ARAP2: variants seen among roughly 807,000 people sequenced by gnomAD.
ARAP2 encodes arf-GAP with Rho-GAP domain, ANK repeat and PH domain-containing protein 2.
ARAP2 carries 148 observed loss-of-function variants against 194.5 expected under a neutral mutation model. That is an observed-to-expected ratio of 0.76 (90% CI 0.67 to 0.87). ARAP2 has a LOEUF of 0.87. Among genes scored for constraint, ARAP2 ranks in the 40% least tolerant of loss-of-function variants. ARAP2 has a pLI of 0.00. For missense variants in ARAP2, 2,128 were observed against 1,989.7 expected (o/e 1.07, Z -1.32); for synonymous variants, 695 against 683.5 (o/e 1.02, Z -0.26).
intron 5 of ARAP2, among the ~76,000 whole-genome samples, chr4:36,031,262 C>T (rs1021004461): frequency 6.6e-6 from 1 of 151,976 alleles, no homozygotes; most frequent in Admixed American, 6.5e-5. Context: ...GGATATAATC[C>T]ATCATTTTCA....
downstream of ARAP2, among the ~76,000 whole-genome samples, chr4:36,063,504 C>T (rs1724816997): frequency 6.6e-6 from 1 of 151,852 alleles, no homozygotes; most frequent in Non-Finnish European, 1.5e-5. Flanking sequence ...TGTGACCTGA[C>T]CATGGACGAA....
At chr4:36,079,853 G>T (rs1729103318) in intron 31 of ARAP2, among the ~76,000 whole-genome samples, 1 of 152,138 alleles carries the variant, frequency 6.6e-6, no homozygotes, top group South Asian at 2.1e-4. Flanking sequence ...GGGAGAACAA[G>T]AAGGGAAATA....
intron 2 of ARAP2, among the ~76,000 whole-genome samples, chr4:36,225,959 T>C (rs1032954649): frequency 2.0e-5 from 3 of 150,254 alleles, no homozygotes; most frequent in Admixed American, 2.0e-4. Context: ...TAAAAAGTTA[T>C]ATTATAACAC....
At chr4:36,108,027 CATT>C (rs1211070769) in intron 26 of ARAP2, among the ~76,000 whole-genome samples, 3 of 151,538 alleles carry the variant, frequency 2.0e-5, no homozygotes, top group Admixed American at 1.3e-4. Context: ...TTGTACAATA[CATT>C]ATTATTATTA....
chr4:36,117,881 T>C (rs1467689546), intron 24 of ARAP2, among the ~76,000 whole-genome samples: 4 of 151,522 alleles, frequency 2.6e-5, no homozygotes, highest in South Asian at 4.1e-4. Flanking sequence ...ATTAACAGTA[T>C]AGAAGGTTAA....
intron 15 of ARAP2, among the ~76,000 whole-genome samples, chr4:36,157,040 T>G (rs1356041878): frequency 6.6e-6 from 1 of 152,148 alleles, no homozygotes; most frequent in Admixed American, 6.5e-5. Context: ...AAGAAAATAT[T>G]AAAGAAGACT....
At position 36,163,951 on chromosome 4, in the gene ARAP2, A is replaced by G. The variant is rs541975601; in HGVS notation, c.2173+963T>C. 4.7e-4 allele frequency among the ~76,000 whole-genome samples: 71 copies of G among 152,338 alleles called. 1 individual carries two copies. The highest frequency in any genetic ancestry group is 8.5e-4 in the Admixed American group (13 of 15,300). On this transcript the variant is annotated intron_variant, in intron 11 of 32. Coordinates refer to ENST00000303965, the MANE Select transcript of ARAP2 (RefSeq NM_015230.4). Reference sequence around the variant, plus strand: ...AGTTTGATGAGAAATGCAGTTGAATAGTGCTCTAGAAAAGCGTTCAGGATT... The same window carrying G: ...AGTTTGATGAGAAATGCAGTTGAATGGTGCTCTAGAAAAGCGTTCAGGATT...
chr4:36,114,364 C>A (rs1720808491), intron 25 of ARAP2, 77 bp from the exon 26 acceptor site: 9 of 845,324 alleles, frequency 1.1e-5, no homozygotes, highest in Non-Finnish European at 1.7e-5. Context: ...TAATATTCCC[C>A]ATCCACCATT....
At chr4:36,135,152 C>T (rs548449984) in intron 19 of ARAP2, among the ~76,000 whole-genome samples, 12 of 151,522 alleles carry the variant, frequency 7.9e-5, no homozygotes, top group South Asian at 2.1e-4. Context: ...CAAAGTAAAA[C>T]GATATAATCT....
rs73806496 is a variant in ARAP2, at chr4:36,128,837, C to T, written c.3428-92G>A. 1,288 of 1,016,320 alleles carry T rather than the reference C, an allele frequency of 1.3e-3. 15 individuals carry two copies. The African/African-American group carries it at 0.018, about 14-fold the overall frequency. 63.0% of individuals were successfully genotyped at this position (1,016,320 alleles called of 1,614,324 possible). On this transcript the variant is annotated intron_variant, in intron 20 of 32. Transcript: ENST00000303965. ...AACAAAACAAATGTTTGTGTTGAGA[C>T]GAGAAGATGATGAAATCATTACGCA...
At chr4:36,134,860 C>T (rs981696196) in intron 19 of ARAP2, among the ~76,000 whole-genome samples, 12 of 151,658 alleles carry the variant, frequency 7.9e-5, no homozygotes, top group Non-Finnish European at 1.8e-4. Context: ...AACACTGTTC[C>T]TGATCTCCCT....
intron 28 of ARAP2, among the ~76,000 whole-genome samples, chr4:36,089,834 T>G (rs1713056878): frequency 6.6e-6 from 1 of 152,074 alleles, no homozygotes; most frequent in Non-Finnish European, 1.5e-5. Flanking sequence ...TATAAGTCTT[T>G]TTCTGATATA....
chr4:36,187,851 T>C (rs963540109), intron 7 of ARAP2, among the ~76,000 whole-genome samples: 2 of 152,196 alleles, frequency 1.3e-5, no homozygotes, highest in Non-Finnish European at 2.9e-5. Flanking sequence ...AAACTAGCAA[T>C]ACAGAGTTCC....
intron 9 of ARAP2, among the ~76,000 whole-genome samples, chr4:36,170,388 G>C (rs1736334423): frequency 6.6e-6 from 1 of 152,206 alleles, no homozygotes. Context: ...AGGAGTTCAA[G>C]ACCAGCCTGA....
At chr4:36,054,013 C>T (rs751313510) in intron 2 of ARAP2, among the ~76,000 whole-genome samples, 1 of 152,164 alleles carries the variant, frequency 6.6e-6, no homozygotes, top group Non-Finnish European at 1.5e-5. Flanking sequence ...GTGTTTAGGG[C>T]ATGTGACTAA....
intron 6 of ARAP2, among the ~76,000 whole-genome samples, chr4:36,200,235 CTT>C (rs11330775): frequency 5.3e-5 from 8 of 151,554 alleles, no homozygotes; most frequent in Admixed American, 1.3e-4. Context: ...GCACTATTCC[CTT>C]TTTTTATTTT....
chr4:36,145,671 C>A lies in ARAP2; in HGVS notation c.3263+1625G>T, dbSNP rs548793898. Among the ~76,000 whole-genome samples the A allele has an allele frequency of 3.3e-5, 5 of 151,864 alleles. No homozygotes were observed. In the East Asian group the frequency reaches 9.7e-4, roughly 30 times the overall value. ...AACCTGCACATATGTAGATATGTGC[C>A]CCTTGAATCCAAAATTAAAAATAAA... On this transcript the variant is annotated intron_variant, in intron 19 of 32. Transcript: ENST00000303965.
Position 36,213,294 on chromosome 4 carries a change from G to A in ARAP2, c.990C>T (p.Ser330=), listed in dbSNP as rs1578298165. Residue 330 remains serine (S), a synonymous_variant, in exon 4 of 33, where the codon TCC becomes TCT. Transcript: ENST00000303965. The stretch of plus-strand genomic sequence containing the variant: ...GAAAGGTCTCTCCATAAGGAAAGAT[G>A]GAAGATGAATTCTCCTCATTTGAAT... ...WQNSNEENSS[S]IFPYGETFLF... The A allele has an allele frequency of 3.1e-6, 5 of 1,607,770 alleles. No individual in the cohort carries two copies. The highest frequency in any genetic ancestry group is 2.7e-5 in the African/African-American group (2 of 74,710).
intron 2 of ARAP2, among the ~76,000 whole-genome samples, chr4:36,222,950 C>T (rs1749489056): frequency 6.6e-6 from 1 of 151,942 alleles, no homozygotes; most frequent in African/African-American, 2.4e-5. Context: ...TCATAAATTC[C>T]CTGAAAGTCA....
Sources: allele counts gnomAD v4.1 joint callset (sites outside exome capture counted in the v4.1 genomes callset), GRCh38; gene constraint gnomAD v4.1.1; transcripts MANE v1.5; gene names NCBI Gene and HGNC (gene_info 2026-07-23, HGNC 2026-07-21).